Variants in PLEKHG7 observed in about 807,000 individuals in gnomAD.
PLEKHG7 encodes the protein pleckstrin homology domain-containing family G member 7.
Under a neutral mutation model 85.2 loss-of-function variants are expected in PLEKHG7, and 77 were observed. That is an observed-to-expected ratio of 0.90 (90% CI 0.75 to 1.09). The LOEUF (loss-of-function observed/expected upper bound fraction) is 1.09. PLEKHG7 is among the 50% of genes least tolerant of loss of function. PLEKHG7 has a pLI of 0.00. For synonymous variants in PLEKHG7, 301 were observed against 302.4 expected (o/e 1.00, Z 0.05); for missense variants, 777 against 804.3 (o/e 0.97, Z 0.41).
At chr12:92,738,049 G>C (rs967410337) in intron 7 of PLEKHG7, among the ~76,000 whole-genome samples, 8 of 151,994 alleles carry the variant, frequency 5.3e-5, no homozygotes, top group African/African-American at 1.7e-4. Flanking sequence ...TTTCTCTCTC[G>C]GAGCTCTTGC....
intron 3 of PLEKHG7, among the ~76,000 whole-genome samples, chr12:92,722,350 C>T (rs1871673076): frequency 6.6e-6 from 1 of 152,178 alleles, no homozygotes; most frequent in Non-Finnish European, 1.5e-5. Flanking sequence ...GTTCTGATTG[C>T]TTTCCTAGGT....
intron 5 of PLEKHG7, 71 bp downstream of exon 5, chr12:92,732,344 A>G: frequency 2.2e-6 from 2 of 913,796 alleles, no homozygotes; most frequent in East Asian, 3.3e-5. Flanking sequence ...AAATGGCTGA[A>G]GAGTCTCTTC....
chr12:92,767,226 A>T (rs1439069198), intron 15 of PLEKHG7, among the ~76,000 whole-genome samples: 1 of 152,230 alleles, frequency 6.6e-6, no homozygotes, highest in Non-Finnish European at 1.5e-5. Flanking sequence ...GAATGTCAGT[A>T]AAAAAAGAGC....
At chr12:92,729,710 A>G (rs535747606) in intron 4 of PLEKHG7, among the ~76,000 whole-genome samples, 5 of 152,292 alleles carry the variant, frequency 3.3e-5, no homozygotes, top group Admixed American at 3.3e-4. Flanking sequence ...GAGAGCTAAG[A>G]GGAGACTTAA....
intron 14 of PLEKHG7, among the ~76,000 whole-genome samples, chr12:92,762,409 A>G: frequency 6.6e-6 from 1 of 152,240 alleles, no homozygotes; most frequent in Non-Finnish European, 1.5e-5. Flanking sequence ...TGTATGTAGC[A>G]TCACAGACTA....
In PLEKHG7 at chr12:92,748,250, C is replaced by CTT. The variant is rs11308028; in HGVS notation, c.1251+2672_1251+2673dup. ...ATAAGTGCTGTTATAACACATGATG[C>CTT]TTTTTTTTTTTTTTGAGACAGAGTT... On this transcript the variant is annotated intron_variant, in intron 10 of 16. Transcript: ENST00000344636. 5.9e-4 allele frequency among the ~76,000 whole-genome samples: 85 copies of CTT among 143,418 alleles called. 1 individual carries two copies. The highest frequency in any genetic ancestry group is 3.5e-3 in the Middle Eastern group (1 of 284). The allele number at this position is 143,418 out of a possible 152,430, so 94.1% of individuals were successfully genotyped here.
chr12:92,704,614 G>A (rs1206124316), intron 1 of PLEKHG7, among the ~76,000 whole-genome samples: 2 of 152,166 alleles, frequency 1.3e-5, no homozygotes, highest in Non-Finnish European at 2.9e-5. Context: ...TCAAAATAAA[G>A]CAAACACAAC....
intron 3 of PLEKHG7, among the ~76,000 whole-genome samples, chr12:92,722,035 G>C (rs1261534970): frequency 4.6e-5 from 7 of 151,386 alleles, no homozygotes; most frequent in Admixed American, 2.6e-4. Context: ...TCCAGAATTG[G>C]AGACAATCCT....
At chr12:92,717,199 A>T (rs1256922574) in intron 3 of PLEKHG7, among the ~76,000 whole-genome samples, 1 of 152,262 alleles carries the variant, frequency 6.6e-6, no homozygotes, top group Admixed American at 6.5e-5. Context: ...ATGCTCAAAT[A>T]GAAAGTAGGA....
chr12:92,749,515 C>CT (rs1360935089), intron 10 of PLEKHG7: 5 of 152,116 alleles, frequency 3.3e-5, no homozygotes, highest in Non-Finnish European at 7.3e-5. Flanking sequence ...GTCTCAAACT[C>CT]CTAAGTTCAA....
intron 15 of PLEKHG7, among the ~76,000 whole-genome samples, chr12:92,764,556 T>C (rs1293532491): frequency 1.3e-5 from 2 of 152,148 alleles, no homozygotes; most frequent in African/African-American, 4.8e-5. Flanking sequence ...ATTAATACTA[T>C]TGCTGTTATT....
At position 92,770,286 on chromosome 12, in the gene PLEKHG7, C is replaced by G. The variant is rs1171874947; in HGVS notation, c.*91C>G. ...TTTGTAACACTTAGCTAGTGATAAG[C>G]TAGAAGGAAATTTGCATTTTAAAGA... On this transcript the variant is annotated 3_prime_UTR_variant, in exon 17 of 17. Transcript: ENST00000344636. 2 of 975,686 alleles carry G rather than the reference C, an allele frequency of 2.0e-6. No homozygotes were observed. Among genetic ancestry groups the G allele is most frequent in the African/African-American group, 3.4e-5 (2 of 58,326 alleles). 60.4% of individuals were successfully genotyped at this position (975,686 alleles called of 1,614,324 possible).
chr12:92,706,423 T>A, intron 1 of PLEKHG7, 48 bp from the exon 2 acceptor site: 1 of 549,828 alleles, frequency 1.8e-6, no homozygotes, highest in South Asian at 3.8e-5. Flanking sequence ...CTCACTGCAG[T>A]CTCCCTCATT....
intron 11 of PLEKHG7, among the ~76,000 whole-genome samples, chr12:92,755,461 ACAT>A (rs1354991308): frequency 6.6e-6 from 1 of 151,980 alleles, no homozygotes; most frequent in Non-Finnish European, 1.5e-5. Context: ...TGGGACAAAA[ACAT>A]ATGTTTGTCC....
rs778210566 is a variant in PLEKHG7 at position 92,706,813 on chromosome 12, C to T, written c.182C>T (p.Thr61Ile). Residue 61 changes from threonine (T) to isoleucine (I), a missense_variant, in exon 2 of 17, where the codon ACA becomes ATA. By Grantham distance (89) the Thr-to-Ile change is moderately conservative. This residue lies in a region of PLEKHG7 where 252 missense variants were observed against 241.9 expected (regional missense o/e 1.04). Transcript: ENST00000344636. ...AGATTAAGGACCCGTGGCTGTGGGA[C>T]AAGGCAGGATGCCTGGCAGGTGACC... is the stretch of plus-strand genomic sequence containing the variant. Reference protein sequence around the residue: ...LRRLRTRGCGTRQDAWQVTTW... With the variant: ...LRRLRTRGCGIRQDAWQVTTW... The T allele has an allele frequency of 1.9e-6, 3 of 1,613,870 alleles. No individual in the cohort carries two copies. The Admixed American group carries it at 5.0e-5, about 27-fold the overall frequency.
chr12:92,758,933 G>A (rs1311871974), intron 13 of PLEKHG7, among the ~76,000 whole-genome samples: 4 of 152,182 alleles, frequency 2.6e-5, no homozygotes, highest in Admixed American at 6.6e-5. Flanking sequence ...AATGAAAAAA[G>A]CATTGAACCA....
At position 92,745,592 on chromosome 12, in the gene PLEKHG7, G is replaced by A. The variant is rs1222322644; in HGVS notation, c.1251+1G>A. 1.3e-6 allele frequency: 2 copies of A among 1,598,782 alleles called. No individual in the cohort carries two copies. The highest frequency in any genetic ancestry group is 2.7e-5 in the African/African-American group (2 of 74,578). ...AGATGACTTTGGAATTTATTTAAAA[G>A]TAAAGTATCATTTTCTTTTCTTTTG... is the stretch of plus-strand genomic sequence containing the variant. On this transcript the variant is annotated splice_donor_variant, in intron 10 of 16. Transcript: ENST00000344636. LOFTEE classifies it high-confidence loss of function.
intron 15 of PLEKHG7, among the ~76,000 whole-genome samples, chr12:92,767,029 C>G (rs1873221800): frequency 6.6e-6 from 1 of 152,176 alleles, no homozygotes; most frequent in South Asian, 2.1e-4. Flanking sequence ...TCTGGAGTGA[C>G]AGACCTAATT....
intron 13 of PLEKHG7, among the ~76,000 whole-genome samples, chr12:92,761,246 A>T (rs1872979824): frequency 6.6e-6 from 1 of 152,150 alleles, no homozygotes; most frequent in Non-Finnish European, 1.5e-5. Context: ...TTTGCCAATA[A>T]CCACCCAGAG....
Sources: gnomAD v4.1 joint callset for allele counts (sites outside exome capture counted in the v4.1 genomes callset) on GRCh38, gnomAD v4.1.1 for gene constraint, gnomAD v4.1.1 regional missense constraint, MANE v1.5 for transcripts, NCBI Gene and HGNC (gene_info 2026-07-23, HGNC 2026-07-21) for gene names.